The following C13orf46 variants were observed in gnomAD, a reference collection of about 807,000 sequenced individuals.
C13orf46 encodes chromosome 13 open reading frame 46.
chr13:113,946,228 G>A, the C13orf46 span, among the ~76,000 whole-genome samples: 1 of 152,198 alleles, frequency 6.6e-6, no homozygotes, highest in African/African-American at 2.4e-5. Flanking sequence ...CTCCCCACCG[G>A]CCAATTGGAC....
intron 1 of C13orf46, among the ~76,000 whole-genome samples, 200 bp downstream of exon 1, chr13:113,973,608 C>A (rs1351435647): frequency 6.6e-6 from 1 of 152,212 alleles, no homozygotes; most frequent in South Asian, 2.1e-4. Context: ...CCACGCCCCC[C>A]TGCAATGTAT....
At chr13:113,972,258 A>C (rs2052715187) in intron 1 of C13orf46, among the ~76,000 whole-genome samples, 1 of 152,222 alleles carries the variant, frequency 6.6e-6, no homozygotes, top group Admixed American at 6.5e-5. Flanking sequence ...AGAACTTTGC[A>C]CGTCTTGAGG....
At chr13:113,929,246 G>A in the C13orf46 span, among the ~76,000 whole-genome samples, 1 of 152,244 alleles carries the variant, frequency 6.6e-6, no homozygotes, top group Non-Finnish European at 1.5e-5. Flanking sequence ...GAGACCTGAG[G>A]CAGTGCTGCC....
chr13:113,965,824 GTGA>G (rs1410937750), intron 5 of C13orf46, among the ~76,000 whole-genome samples: 2 of 124,512 alleles, frequency 1.6e-5, no homozygotes, highest in African/African-American at 3.4e-5. Flanking sequence ...GGTGATGATG[GTGA>G]TAATGGTGAT....
At chr13:113,962,689 G>A (rs2052596690) in intron 6 of C13orf46, among the ~76,000 whole-genome samples, 1 of 152,200 alleles carries the variant, frequency 6.6e-6, no homozygotes. Context: ...CCACTGGGCA[G>A]GTTTTCTGGG....
rs2052538147 is a variant in C13orf46, at chr13:113,956,756, G to A, written c.*17C>T. 1 of 152,426 alleles carries A rather than the reference G, an allele frequency of 6.6e-6. No individual in the cohort carries two copies. Among genetic ancestry groups the A allele is most frequent in the Admixed American group, 6.5e-5 (1 of 15,288 alleles). 9.4% of individuals were successfully genotyped at this position (152,426 alleles called of 1,614,324 possible). A position where few individuals can be genotyped will look rare whatever the true frequency, so the allele number is the denominator to read the frequency against. On this transcript the variant is annotated 3_prime_UTR_variant, in exon 7 of 7. Transcript: ENST00000636427. ...CTTCCTCTTCTTCGCCAAGCTCTGA[G>A]CACCCTCTCCGGGGCGCTAGGTGCT...
intron 4 of C13orf46, among the ~76,000 whole-genome samples, chr13:113,968,171 G>C (rs1465157728): frequency 6.6e-6 from 1 of 152,168 alleles, no homozygotes; most frequent in Non-Finnish European, 1.5e-5. Flanking sequence ...TGGGGCTCTG[G>C]GTGTTTTCTG....
chr13:113,938,400 TTTC>T, the C13orf46 span, among the ~76,000 whole-genome samples: 1 of 152,146 alleles, frequency 6.6e-6, no homozygotes, highest in Non-Finnish European at 1.5e-5. Flanking sequence ...AAGCCACTGC[TTTC>T]TTTTCTCAGC....
intron 6 of C13orf46, among the ~76,000 whole-genome samples, chr13:113,963,318 C>A (rs2052604188): frequency 9.4e-6 from 1 of 106,374 alleles, no homozygotes; most frequent in African/African-American, 3.0e-5. Flanking sequence ...TCCTCAGCCT[C>A]GGTCCCTGTC....
the C13orf46 span, among the ~76,000 whole-genome samples, chr13:113,944,433 G>A: frequency 6.6e-6 from 1 of 152,260 alleles, no homozygotes; most frequent in Non-Finnish European, 1.5e-5. Context: ...CTCCGATGGG[G>A]AGAAAGGTCC....
downstream of C13orf46, among the ~76,000 whole-genome samples, chr13:113,952,928 G>A (rs1344813771): frequency 1.3e-5 from 2 of 152,212 alleles, no homozygotes; most frequent in Non-Finnish European, 2.9e-5. Flanking sequence ...CATCAACCAC[G>A]TGGCAGGAGC....
chr13:113,947,727 G>A, the C13orf46 span, among the ~76,000 whole-genome samples: 1 of 152,138 alleles, frequency 6.6e-6, no homozygotes, highest in Non-Finnish European at 1.5e-5. Context: ...ACACAAGCAG[G>A]TCCCGGACAC....
chr13:113,952,386 C>T (rs1224952637), downstream of C13orf46, among the ~76,000 whole-genome samples: 5 of 151,850 alleles, frequency 3.3e-5, no homozygotes, highest in Non-Finnish European at 7.4e-5. Flanking sequence ...CTGCCGCTCC[C>T]GCCTGCCCAG....
the C13orf46 span, among the ~76,000 whole-genome samples, chr13:113,944,384 C>T: frequency 6.6e-6 from 1 of 152,242 alleles, no homozygotes; most frequent in Non-Finnish European, 1.5e-5. Context: ...GGTGCCAGGG[C>T]AGGTTGCTGC....
At chr13:113,959,857 CT>C (rs1360376910) in intron 6 of C13orf46, among the ~76,000 whole-genome samples, 1 of 152,144 alleles carries the variant, frequency 6.6e-6, no homozygotes, top group African/African-American at 2.4e-5. Flanking sequence ...TCAGAATGGT[CT>C]GTAAAAGTCA....
rs1189319355 is a variant in C13orf46, at chr13:113,954,175, A to C, written c.*2598T>G. On this transcript the variant is annotated 3_prime_UTR_variant, in exon 7 of 7. Transcript: ENST00000636427. ...GCCTCTGCATTATCATGTGCACCACAGGGACGGCCCCCATGTGTCTCCACG... is the reference window on the plus strand; with the variant it reads ...GCCTCTGCATTATCATGTGCACCACCGGGACGGCCCCCATGTGTCTCCACG... 3 of 152,270 alleles carry C rather than the reference A, an allele frequency of 2.0e-5. No individual in the cohort carries two copies. The highest frequency in any genetic ancestry group is 4.4e-5 in the Non-Finnish European group (3 of 68,054). 9.4% of individuals were successfully genotyped at this position (152,270 alleles called of 1,614,324 possible). A position where few individuals can be genotyped will look rare whatever the true frequency, so the allele number is the denominator to read the frequency against.
At chr13:113,943,532 T>C in the C13orf46 span, among the ~76,000 whole-genome samples, 5 of 152,260 alleles carry the variant, frequency 3.3e-5, no homozygotes, top group Admixed American at 2.0e-4. Flanking sequence ...GGTAGCAGCT[T>C]CAGAGGGCTG....
chr13:113,946,247 C>T, the C13orf46 span, among the ~76,000 whole-genome samples: 9 of 152,268 alleles, frequency 5.9e-5, no homozygotes, highest in South Asian at 2.1e-4. Flanking sequence ...ACCAACGTCG[C>T]GTGGAGGAAG....
rs1452722788 is a variant in C13orf46, at chr13:113,965,749, A to G, written c.505-755T>C. 7.7e-5 allele frequency among the ~76,000 whole-genome samples: 6 copies of G among 78,284 alleles called. 1 individual carries two copies. The highest frequency in any genetic ancestry group is 3.5e-4 in the African/African-American group (5 of 14,294). The allele number at this position is 78,284 out of a possible 152,430, so 51.4% of individuals were successfully genotyped here. On this transcript the variant is annotated intron_variant, in intron 5 of 6. Coordinates refer to ENST00000636427, the MANE Select transcript of C13orf46 (RefSeq NM_001365455.2). ...GATGATGGTGAAGGTGATGATGGTG[A>G]TGATGGTGATGGTGATGATGGTGAT...
Sources: allele counts gnomAD v4.1 joint callset (sites outside exome capture counted in the v4.1 genomes callset), GRCh38; gene constraint gnomAD v4.1.1; transcripts MANE v1.5; gene names NCBI Gene and HGNC (gene_info 2026-07-23, HGNC 2026-07-21).